TRPM3: variants seen among roughly 807,000 people sequenced by gnomAD.
TRPM3 encodes transient receptor potential cation channel subfamily M member 3.
A neutral mutation model predicts 181.2 loss-of-function variants in TRPM3; 77 were observed. The observed-to-expected ratio is 0.42, with a 90% CI of 0.35 to 0.51. The LOEUF (loss-of-function observed/expected upper bound fraction) is 0.51, where lower values mean the gene tolerates loss of function less well. Among genes scored for constraint, TRPM3 ranks in the 20% least tolerant of loss-of-function variants. The probability of loss-of-function intolerance (pLI) is 0.01; values close to 1 mark genes in which losing one functional copy is unlikely to be tolerated. For missense variants in TRPM3, 1,759 were observed against 2,196.7 expected, an observed-to-expected ratio of 0.80 and a Z score of 3.98; for synonymous variants, 745 against 796.4, an observed-to-expected ratio of 0.94 and a Z score of 1.09.
In TRPM3 at chr9:70,784,236, T is replaced by C. The variant is rs772511881; in HGVS notation, c.1017A>G (p.Gly339=). 1 of 1,613,146 alleles carries C rather than the reference T, an allele frequency of 6.2e-7. No homozygotes were observed. The highest frequency in any genetic ancestry group is 2.2e-5 in the East Asian group (1 of 44,798). ...GVPVVALIVE[G]GPNVISIVLE... is the part of the protein sequence containing the mutation. ...AAACAATCGAGATCACATTGGGTCC[T>C]CCTTCCACTATGAGTGCCACCACAG... The change falls in exon 7 of 26, where the codon GGA becomes GGG. Residue 339 remains glycine (G), a synonymous_variant. Coordinates refer to ENST00000677713, the MANE Select transcript of TRPM3 (RefSeq NM_001366145.2).
At chr9:71,282,906 G>A (rs184026017) in intron 1 of TRPM3, among the ~76,000 whole-genome samples, 5 of 152,112 alleles carry the variant, frequency 3.3e-5, no homozygotes, top group Admixed American at 1.3e-4. Flanking sequence ...CCTACCCCTC[G>A]GGGCACCGCT....
At chr9:71,217,215 G>T (rs1386100502) in intron 1 of TRPM3, among the ~76,000 whole-genome samples, 5 of 151,650 alleles carry the variant, frequency 3.3e-5, no homozygotes, top group African/African-American at 9.7e-5. Flanking sequence ...CTCCCAAAGT[G>T]CTGGGATTAC....
At chr9:71,150,629 G>A (rs2075683847) in intron 1 of TRPM3, among the ~76,000 whole-genome samples, 1 of 152,016 alleles carries the variant, frequency 6.6e-6, no homozygotes, top group African/African-American at 2.4e-5. Context: ...AGTATAATAT[G>A]GATGCCCAAA....
chr9:71,325,756 CCACA>C (rs112291932), intron 1 of TRPM3, among the ~76,000 whole-genome samples: 2 of 149,960 alleles, frequency 1.3e-5, no homozygotes, highest in South Asian at 4.2e-4. Flanking sequence ...ACCCACCCAC[CCACA>C]CACACACACA....
intron 1 of TRPM3, among the ~76,000 whole-genome samples, chr9:71,000,102 G>A (rs943499682): frequency 1.1e-4 from 16 of 152,118 alleles, no homozygotes; most frequent in Non-Finnish European, 2.1e-4. Flanking sequence ...TGAGGGAAGG[G>A]AAACCCCTCT....
intron 6 of TRPM3, among the ~76,000 whole-genome samples, chr9:70,799,554 G>A (rs72729711): frequency 0.082 from 12,545 of 152,268 alleles, 598 homozygotes; most frequent in East Asian, 0.11. Flanking sequence ...TTGTTTCCAT[G>A]TGCAGGGAGC....
intron 25 of TRPM3, 75 bp downstream of exon 25, chr9:70,549,467 G>A (rs968223245): frequency 1.7e-5 from 26 of 1,496,814 alleles, no homozygotes; most frequent in African/African-American, 1.3e-4. Flanking sequence ...TTTTGTGACC[G>A]TGTGAATAAA....
chr9:71,037,273 A>G (rs1377388963), intron 1 of TRPM3, among the ~76,000 whole-genome samples: 1 of 152,212 alleles, frequency 6.6e-6, no homozygotes, highest in Non-Finnish European at 1.5e-5. Context: ...AGACCAGTCT[A>G]CTTTAACCAA....
intron 1 of TRPM3, among the ~76,000 whole-genome samples, chr9:71,207,956 C>T (rs2079228646): frequency 6.6e-6 from 1 of 152,088 alleles, no homozygotes; most frequent in African/African-American, 2.4e-5. Context: ...TCCCCCAAAT[C>T]CTTCTTAGTT....
chr9:70,610,643 T>C lies in TRPM3; in HGVS notation c.2633A>G (p.Tyr878Cys). The C allele has an allele frequency of 6.2e-7, 1 of 1,614,162 alleles. No individual in the cohort carries two copies. Among genetic ancestry groups the C allele is most frequent in the Non-Finnish European group, 8.5e-7 (1 of 1,179,992 alleles). The change falls in exon 19 of 26, where the codon TAC (tyrosine) becomes TGC (cysteine). Residue 878 changes from tyrosine to cysteine, a missense_variant. Coordinates refer to ENST00000677713, the MANE Select transcript of TRPM3 (RefSeq NM_001366145.2). ...IPLGRKIYEF[Y>C]NAPIVKFWFY... The stretch of plus-strand genomic sequence containing the variant: ...CCAGAACTTCACGATGGGTGCATTG[T>C]AGAATTCATAGATTTTTCTGCCGAG...
chr9:71,066,199 A>G (rs775245583), intron 1 of TRPM3, among the ~76,000 whole-genome samples: 8 of 152,226 alleles, frequency 5.3e-5, no homozygotes, highest in Non-Finnish European at 1.2e-4. Flanking sequence ...ATCTTCTGAA[A>G]CATTCACTAA....
At chr9:70,789,344 T>A (rs1450729015) in intron 6 of TRPM3, among the ~76,000 whole-genome samples, 1 of 152,216 alleles carries the variant, frequency 6.6e-6, no homozygotes, top group Admixed American at 6.5e-5. Context: ...TAAGTTCCTT[T>A]GAAGAGCCTT....
At position 71,224,870 on chromosome 9, in the gene TRPM3, A is replaced by C. The variant is rs559526672; in HGVS notation, c.183+221783T>G. 3.0e-4 allele frequency among the ~76,000 whole-genome samples: 46 copies of C among 152,294 alleles called. 2 individuals carry two copies. The highest frequency in any genetic ancestry group is 1.5e-5 in the Non-Finnish European group (1 of 68,026). On this transcript the variant is annotated intron_variant, in intron 1 of 24. Coordinates refer to the TRPM3 transcript ENST00000357533. ...TTAACAGCAAAATTGATTCAGCAGAAAGAAAAAATTAGTGCGCTTAAAGAC... is the reference window on the plus strand; with the variant it reads ...TTAACAGCAAAATTGATTCAGCAGACAGAAAAAATTAGTGCGCTTAAAGAC...
intron 1 of TRPM3, among the ~76,000 whole-genome samples, chr9:71,087,313 G>A (rs1212570065): frequency 6.6e-6 from 1 of 151,934 alleles, no homozygotes; most frequent in Non-Finnish European, 1.5e-5. Flanking sequence ...CTTATACTGT[G>A]CTTATACAGG....
intron 1 of TRPM3, among the ~76,000 whole-genome samples, chr9:71,412,733 C>G (rs1476636161): frequency 6.6e-6 from 1 of 152,132 alleles, no homozygotes; most frequent in African/African-American, 2.4e-5. Context: ...TTTGACCCAG[C>G]CATCCCATTA....
chr9:71,121,994 C>A (rs1326665418), upstream of TRPM3, among the ~76,000 whole-genome samples: 6 of 152,158 alleles, frequency 3.9e-5, no homozygotes, highest in Non-Finnish European at 8.8e-5. Context: ...TCCTGATAAT[C>A]GGTTGCATAG....
At chr9:71,439,608 T>C (rs890161677) in intron 1 of TRPM3, among the ~76,000 whole-genome samples, 5 of 152,112 alleles carry the variant, frequency 3.3e-5, no homozygotes, top group African/African-American at 1.2e-4. Flanking sequence ...CATGCAAAAT[T>C]TTGGCTCAGG....
intron 22 of TRPM3, among the ~76,000 whole-genome samples, chr9:70,588,398 T>C (rs911580395): frequency 6.6e-6 from 1 of 151,794 alleles, no homozygotes; most frequent in Non-Finnish European, 1.5e-5. Flanking sequence ...TGTACATCCA[T>C]ATACGTCCAA....
intron 6 of TRPM3, among the ~76,000 whole-genome samples, chr9:70,803,297 C>T (rs536696154): frequency 6.6e-6 from 1 of 152,062 alleles, no homozygotes; most frequent in East Asian, 1.9e-4. Context: ...CTTGGAAATA[C>T]ACTCTTCACT....
Sources: gnomAD v4.1 joint callset for allele counts (sites outside exome capture counted in the v4.1 genomes callset) on GRCh38, gnomAD v4.1.1 for gene constraint, MANE v1.5 for transcripts, NCBI Gene and HGNC (gene_info 2026-07-23, HGNC 2026-07-21) for gene names.